VPS8: variants seen among roughly 807,000 people sequenced by gnomAD.
The protein encoded by VPS8 is vacuolar protein sorting-associated protein 8 homolog.
In VPS8, 129 loss-of-function variants were observed where a neutral mutation model predicts 216.4. That is an observed-to-expected ratio of 0.60 (90% CI 0.52 to 0.69). The LOEUF is 0.69. Among genes scored for constraint, VPS8 ranks in the 30% least tolerant of loss-of-function variants. The pLI is 0.00. For missense variants in VPS8, 1,531 were observed against 1,683.5 expected (o/e 0.91, Z 1.59); for synonymous variants, 571 against 565.4 (o/e 1.01, Z -0.14).
At chr3:184,969,140 C>T (rs182531481) in intron 39 of VPS8, among the ~76,000 whole-genome samples, 26 of 152,012 alleles carry the variant, frequency 1.7e-4, no homozygotes, top group African/African-American at 5.1e-4. Flanking sequence ...TCTGGGGGGA[C>T]GGCGTCTCGC....
At chr3:184,835,859 G>A (rs534821797) in intron 5 of VPS8, among the ~76,000 whole-genome samples, 3 of 151,902 alleles carry the variant, frequency 2.0e-5, no homozygotes, top group Non-Finnish European at 4.4e-5. Flanking sequence ...ACAGGCGCCT[G>A]CCACCATGCC....
chr3:184,933,829 T>A (rs1741138418), intron 34 of VPS8, among the ~76,000 whole-genome samples: 1 of 152,172 alleles, frequency 6.6e-6, no homozygotes, highest in Admixed American at 6.5e-5. Flanking sequence ...GTTCCATTGG[T>A]CTGTTTGTCC....
At chr3:184,960,710 A>G (rs930560572) in intron 37 of VPS8, among the ~76,000 whole-genome samples, 2 of 152,162 alleles carry the variant, frequency 1.3e-5, no homozygotes, top group African/African-American at 4.8e-5. Context: ...AAAAGACTCA[A>G]TTTTAGAATC....
chr3:184,998,720 G>C (rs1201369423), intron 44 of VPS8, among the ~76,000 whole-genome samples: 1 of 152,090 alleles, frequency 6.6e-6, no homozygotes, highest in African/African-American at 2.4e-5. Context: ...GTAATTTAGT[G>C]TAATCAATAG....
intron 1 of VPS8, 41 bp from the exon 2 acceptor site, chr3:184,824,504 A>T: frequency 2.1e-6 from 2 of 936,574 alleles, no homozygotes; most frequent in Non-Finnish European, 3.2e-6. Flanking sequence ...TCTAAATGAT[A>T]GTGTTTTGTT....
chr3:185,022,617 A>T (rs1756818256), intron 45 of VPS8, among the ~76,000 whole-genome samples: 1 of 152,174 alleles, frequency 6.6e-6, no homozygotes. Flanking sequence ...TCATCTTTTA[A>T]ATACCTGTAA....
At chr3:184,903,255 G>C (rs1227819609) in intron 25 of VPS8, among the ~76,000 whole-genome samples, 1 of 151,642 alleles carries the variant, frequency 6.6e-6, no homozygotes. Flanking sequence ...TTCAAAATTG[G>C]TTTATCTAGT....
chr3:184,966,787 AT>A, intron 39 of VPS8, 74 bp downstream of exon 39: 1 of 1,135,930 alleles, frequency 8.8e-7, no homozygotes. Context: ...AATAAATTGC[AT>A]TTATTATGTA....
intron 21 of VPS8, 145 bp from the exon 22 acceptor site, chr3:184,885,965 A>C: frequency 1.3e-6 from 1 of 775,676 alleles, no homozygotes. Flanking sequence ...AGACTTTGAC[A>C]CATAATGCCA....
chr3:184,965,025 G>A (rs903286622), intron 38 of VPS8, among the ~76,000 whole-genome samples: 1 of 152,158 alleles, frequency 6.6e-6, no homozygotes, highest in Non-Finnish European at 1.5e-5. Flanking sequence ...GTTTTCCATA[G>A]CAGCTATGCC....
At chr3:184,995,005 A>G (rs1752430621) in intron 43 of VPS8, among the ~76,000 whole-genome samples, 1 of 152,214 alleles carries the variant, frequency 6.6e-6, no homozygotes, top group African/African-American at 2.4e-5. Flanking sequence ...TATCACGAGA[A>G]CAACACAGGA....
intron 1 of VPS8, chr3:184,813,597 T>C (rs1014728649): frequency 1.3e-5 from 2 of 152,240 alleles, no homozygotes; most frequent in Non-Finnish European, 2.9e-5. Context: ...TTCGTTGAAC[T>C]ACTGGGCTTT....
Position 184,922,467 on chromosome 3 carries a change from G to A in VPS8, c.2454+2269G>A, listed in dbSNP as rs761151796. 7 of 452,062 alleles carry A rather than the reference G, an allele frequency of 1.5e-5. 1 individual carries two copies. Among genetic ancestry groups the A allele is most frequent in the South Asian group, 1.1e-4 (7 of 63,648 alleles). The allele number at this position is 452,062 out of a possible 1,614,324, so 28.0% of individuals were successfully genotyped here. On this transcript the variant is annotated intron_variant, in intron 29 of 47. Coordinates refer to ENST00000625842, the MANE Select transcript of VPS8 (RefSeq NM_001009921.3). ...GATCCAGCACAATGCCTGTAACCCA[G>A]TAGATGTCAGATAAATGTAAGTTGG...
intron 45 of VPS8, among the ~76,000 whole-genome samples, chr3:185,012,071 A>G (rs1220150184): frequency 6.6e-6 from 1 of 151,964 alleles, no homozygotes; most frequent in Non-Finnish European, 1.5e-5. Flanking sequence ...AAAAATTAGT[A>G]AATTTGAATA....
intron 46 of VPS8, among the ~76,000 whole-genome samples, chr3:185,026,923 A>T (rs1286458169): frequency 6.7e-6 from 1 of 148,386 alleles, no homozygotes; most frequent in African/African-American, 2.5e-5. Flanking sequence ...GTTGGCCATG[A>T]TGGTCTCAAT....
chr3:184,996,763 G>A (rs1411369455), intron 44 of VPS8, among the ~76,000 whole-genome samples: 2 of 152,204 alleles, frequency 1.3e-5, no homozygotes, highest in South Asian at 2.1e-4. Context: ...GACAAGTGCT[G>A]TTGAATGAGG....
Position 184,824,621 on chromosome 3 carries a change from T to C in VPS8, c.-12T>C, listed in dbSNP as rs757320926. On this transcript the variant is annotated 5_prime_UTR_variant, in exon 2 of 48. Transcript: ENST00000625842. ...TGCTTTGATGGACTGAATACTGTTA[T>C]TAGAAGTAAATATGGAAAATGAACC... 2 of 1,612,852 alleles carry C rather than the reference T, an allele frequency of 1.2e-6. No individual in the cohort carries two copies. Among genetic ancestry groups the C allele is most frequent in the Non-Finnish European group, 8.5e-7 (1 of 1,179,462 alleles).
At chr3:184,985,514 A>C (rs1441435491) in intron 42 of VPS8, among the ~76,000 whole-genome samples, 1 of 152,220 alleles carries the variant, frequency 6.6e-6, no homozygotes, top group Non-Finnish European at 1.5e-5. Context: ...TATTCAAGTA[A>C]TAGTGGCCAC....
intron 8 of VPS8, among the ~76,000 whole-genome samples, chr3:184,845,680 G>A (rs1225888508): frequency 6.6e-6 from 1 of 151,684 alleles, no homozygotes; most frequent in East Asian, 1.9e-4. Context: ...GCTTGAACCC[G>A]GGAAGCAGAG....
Sources: gnomAD v4.1 joint callset for allele counts (sites outside exome capture counted in the v4.1 genomes callset) on GRCh38, gnomAD v4.1.1 for gene constraint, MANE v1.5 for transcripts, NCBI Gene and HGNC (gene_info 2026-07-23, HGNC 2026-07-21) for gene names.